ACTR8: variants seen among roughly 807,000 people sequenced by gnomAD.
The protein encoded by ACTR8 is actin related protein 8.
ACTR8 carries 70 observed loss-of-function variants against 84.3 expected under a neutral mutation model. The ratio of observed to expected loss-of-function variants is 0.83; its 90% confidence interval spans 0.68 to 1.01. ACTR8 has a LOEUF of 1.01. Ranked by LOEUF, ACTR8 falls within the 50% of genes least tolerant of loss-of-function variation. ACTR8 has a pLI of 0.00. For synonymous variants in ACTR8, 268 were observed against 275.2 expected, an observed-to-expected ratio of 0.97 and a Z score of 0.26; for missense variants, 672 against 775.4, an observed-to-expected ratio of 0.87 and a Z score of 1.58.
chr3:53,870,371 G>A lies in ACTR8; in HGVS notation c.1568-226C>T, dbSNP rs1158642083. 1 of 544,602 alleles carries A rather than the reference G, an allele frequency of 1.8e-6. No homozygotes were observed. Among genetic ancestry groups the A allele is most frequent in the Admixed American group, 3.3e-5 (1 of 30,150 alleles). 33.7% of individuals were successfully genotyped at this position (544,602 alleles called of 1,614,324 possible). On this transcript the variant is annotated intron_variant, in intron 11 of 12. Coordinates refer to ENST00000335754, the MANE Select transcript of ACTR8 (RefSeq NM_022899.5). This position sits in a 1 kb window ranked among gnomAD's most constrained non-coding sequence, Gnocchi z 4.1. Reference sequence around the variant, plus strand: ...GATTAGGATCAAAATCTTTAAAGGAGGCCGAGCATGGTGGCTCACGCCTGT... The same window carrying A: ...GATTAGGATCAAAATCTTTAAAGGAAGCCGAGCATGGTGGCTCACGCCTGT...
chr3:53,864,091 G>A (rs541990439), downstream of ACTR8, among the ~76,000 whole-genome samples: 6 of 152,198 alleles, frequency 3.9e-5, no homozygotes, highest in African/African-American at 1.4e-4. Context: ...CCAAAGTGCT[G>A]GGATTCCTGG....
the ACTR8 span, chr3:53,859,044 C>A: frequency 2.2e-6 from 1 of 445,480 alleles, no homozygotes; most frequent in Non-Finnish European, 4.0e-6. Flanking sequence ...CTTTACAAAG[C>A]AGGATACACA....
At chr3:53,865,451 A>T (rs1341468818), downstream of ACTR8, 5 of 606,822 alleles carry the variant, frequency 8.2e-6, no homozygotes, top group South Asian at 5.7e-5. Context: ...AAATTTTCAA[A>T]TATTGCTAAC....
chr3:53,874,177 C>T, intron 8 of ACTR8, 34 bp downstream of exon 8: 1 of 1,571,398 alleles, frequency 6.4e-7, no homozygotes, highest in Middle Eastern at 1.7e-4. Flanking sequence ...TTCCTAGAAA[C>T]AAAAATAATC....
At position 53,870,166 on chromosome 3, in the gene ACTR8, C is replaced by T. The variant is rs746352779; in HGVS notation, c.1568-21G>A. On this transcript the variant is annotated intron_variant, in intron 11 of 12. Coordinates refer to ENST00000335754, the MANE Select transcript of ACTR8 (RefSeq NM_022899.5). This position sits in a 1 kb window ranked among gnomAD's most constrained non-coding sequence, Gnocchi z 4.1. ...AGATGCTGAAAAGACAGTTGACATC[C>T]TCCATGCTTTTTTCTCCACATCCAT... The T allele has an allele frequency of 1.2e-6, 2 of 1,604,706 alleles. No homozygotes were observed. Among genetic ancestry groups the T allele is most frequent in the South Asian group, 2.2e-5 (2 of 90,786 alleles).
At chr3:53,860,518 T>A in the ACTR8 span, 2 of 256,438 alleles carry the variant, frequency 7.8e-6, no homozygotes, top group Non-Finnish European at 1.5e-5. Flanking sequence ...TGATAACAAA[T>A]TACACTTTAC....
chr3:53,869,031 C>A (rs752086407), intron 12 of ACTR8, among the ~76,000 whole-genome samples, 169 bp from the exon 13 acceptor site: 2 of 152,246 alleles, frequency 1.3e-5, no homozygotes, highest in Non-Finnish European at 2.9e-5. Flanking sequence ...CCTGTAACCC[C>A]AGCACTTTGG....
In ACTR8 at chr3:53,868,858, A is replaced by G; in HGVS notation, c.1736T>C (p.Met579Thr). The change falls in exon 13 of 13, where the codon ATG (methionine) becomes ACG (threonine). Residue 579 changes from methionine to threonine, a missense_variant. Met to Thr is a moderately conservative substitution (Grantham distance 81). Transcript: ENST00000335754. Reference sequence around the variant, plus strand: ...TTTCCATGCAATCAGCCGGGGGTCCATGTCCTACAGAAGGGATGAAGGCAT... The same window carrying G: ...TTTCCATGCAATCAGCCGGGGGTCCGTGTCCTACAGAAGGGATGAAGGCAT... ...NVDVITRPKD[M>T]DPRLIAWKGG... 6.2e-7 allele frequency: 1 copy of G among 1,613,996 alleles called. No homozygotes were observed. Among genetic ancestry groups the G allele is most frequent in the Non-Finnish European group, 8.5e-7 (1 of 1,179,944 alleles).
At chr3:53,859,648 A>G in the ACTR8 span, 1 of 153,166 alleles carries the variant, frequency 6.5e-6, no homozygotes, top group African/African-American at 2.4e-5. Flanking sequence ...AACCAAAAAA[A>G]CTGGACAGAA....
At chr3:53,872,114 G>A (rs1699891053) in intron 10 of ACTR8, among the ~76,000 whole-genome samples, 1 of 152,194 alleles carries the variant, frequency 6.6e-6, no homozygotes. Context: ...ATATTCAGAA[G>A]TAGATAATGT....
At chr3:53,876,803 GAGT>G in intron 5 of ACTR8, 90 bp from the exon 6 acceptor site, 1 of 645,068 alleles carries the variant, frequency 1.6e-6, no homozygotes, top group Non-Finnish European at 2.6e-6. Context: ...CCCTCCAAAG[GAGT>G]AGCAGCTACG....
At chr3:53,862,025 C>A in the ACTR8 span, among the ~76,000 whole-genome samples, 1 of 152,220 alleles carries the variant, frequency 6.6e-6, no homozygotes, top group Non-Finnish European at 1.5e-5. Context: ...TAAACACCAG[C>A]TGCCAATCTT....
chr3:53,872,990 T>C (rs1699910546), intron 9 of ACTR8, 42 bp downstream of exon 9: 3 of 1,449,648 alleles, frequency 2.1e-6, no homozygotes, highest in Non-Finnish European at 2.9e-6. Context: ...TGAACCTGGA[T>C]AACTTTCTTT....
At chr3:53,860,913 C>T in the ACTR8 span, 1 of 152,186 alleles carries the variant, frequency 6.6e-6, no homozygotes, top group African/African-American at 2.4e-5. Context: ...CACATACCAA[C>T]TGTACATGGC....
Position 53,867,955 on chromosome 3 carries a change from G to C in ACTR8, c.*764C>G, listed in dbSNP as rs572718908. 5.3e-5 allele frequency: 8 copies of C among 152,186 alleles called. No individual in the cohort carries two copies. The South Asian group carries it at 1.7e-3, about 32-fold the overall frequency. 9.4% of individuals were successfully genotyped at this position (152,186 alleles called of 1,614,324 possible). A position where few individuals can be genotyped will look rare whatever the true frequency, so the allele number is the denominator to read the frequency against. On this transcript the variant is annotated 3_prime_UTR_variant, in exon 13 of 13. Coordinates refer to ENST00000335754, the MANE Select transcript of ACTR8 (RefSeq NM_022899.5). ...CAGTCACCATATCTGTACAACACAAGGACTCTTAAATTATACCCAAATCAT... is the reference window on the plus strand; with the variant it reads ...CAGTCACCATATCTGTACAACACAACGACTCTTAAATTATACCCAAATCAT...
chr3:53,865,257 G>A (rs764263051), downstream of ACTR8: 5 of 1,611,758 alleles, frequency 3.1e-6, no homozygotes, highest in African/African-American at 4.0e-5. Flanking sequence ...AGCAGCAGGT[G>A]TCAGCAGGAA....
rs751480185 is a variant in ACTR8, at chr3:53,877,763, A to C, written c.406-12T>G. Reference sequence around the variant, plus strand: ...TTGTAGGAGCGTGCCTGAAAAGAAAAACCATCAGAAAATTATCTCAATTTA... The same window carrying C: ...TTGTAGGAGCGTGCCTGAAAAGAAACACCATCAGAAAATTATCTCAATTTA... On this transcript the variant is annotated splice_polypyrimidine_tract_variant and intron_variant, in intron 3 of 12. Coordinates refer to ENST00000335754, the MANE Select transcript of ACTR8 (RefSeq NM_022899.5). 3 of 1,609,224 alleles carry C rather than the reference A, an allele frequency of 1.9e-6. No individual in the cohort carries two copies. The highest frequency in any genetic ancestry group is 2.6e-6 in the Non-Finnish European group (3 of 1,175,798).
At chr3:53,863,771 T>A (rs1001880752), downstream of ACTR8, among the ~76,000 whole-genome samples, 4 of 151,916 alleles carry the variant, frequency 2.6e-5, no homozygotes, top group African/African-American at 9.7e-5. Context: ...AGTGTCCCTG[T>A]TCATATACAG....
At chr3:53,879,850 G>A in intron 2 of ACTR8, 89 bp downstream of exon 2, 1 of 1,263,640 alleles carries the variant, frequency 7.9e-7, no homozygotes, top group Non-Finnish European at 1.1e-6. Flanking sequence ...AAGCTATGAA[G>A]ATGTTTCTTT....
Sources: allele counts gnomAD v4.1 joint callset (sites outside exome capture counted in the v4.1 genomes callset), GRCh38; gene constraint gnomAD v4.1.1; non-coding constraint Gnocchi (gnomAD v3.1); transcripts MANE v1.5; gene names NCBI Gene and HGNC (gene_info 2026-07-23, HGNC 2026-07-21).